The following NDUFAF2 variants were observed in gnomAD, a reference collection of about 807,000 sequenced individuals.
NDUFAF2 encodes the protein NADH dehydrogenase [ubiquinone] 1 alpha subcomplex assembly factor 2.
In NDUFAF2, 13 loss-of-function variants were observed where a neutral mutation model predicts 22.8. That is an observed-to-expected ratio of 0.57 (90% CI 0.37 to 0.91). The LOEUF (loss-of-function observed/expected upper bound fraction) is 0.91, where lower values mean the gene tolerates loss of function less well. NDUFAF2 is among the 40% of genes least tolerant of loss of function. The pLI, the probability that NDUFAF2 is intolerant of heterozygous loss-of-function variation, is 0.01. For synonymous variants in NDUFAF2, 53 were observed against 64.2 expected (o/e 0.83, Z 0.84); for missense variants, 162 against 195.2 (o/e 0.83, Z 1.01).
At chr5:61,004,722 A>G (rs987465928) in intron 1 of NDUFAF2, among the ~76,000 whole-genome samples, 3 of 151,990 alleles carry the variant, frequency 2.0e-5, no homozygotes, top group Admixed American at 1.3e-4. Context: ...TCATAGAGAG[A>G]GACATGGAAG....
chr5:61,071,169 T>TA (rs1752294332), intron 1 of NDUFAF2, among the ~76,000 whole-genome samples: 1 of 152,214 alleles, frequency 6.6e-6, no homozygotes, highest in South Asian at 2.1e-4. Context: ...GTCATTGTTA[T>TA]ATGCTCCTTG....
intron 1 of NDUFAF2, 131 bp downstream of exon 1, chr5:60,945,513 A>G: frequency 7.4e-7 from 1 of 1,356,228 alleles, no homozygotes; most frequent in East Asian, 2.4e-5. Context: ...GAATTTCCCG[A>G]GTTCGTTCTC....
chr5:61,117,581 G>A (rs938083987), intron 3 of NDUFAF2, among the ~76,000 whole-genome samples: 1 of 151,946 alleles, frequency 6.6e-6, no homozygotes, highest in Non-Finnish European at 1.5e-5. Context: ...ATCTGCAACT[G>A]TTAGACTCAA....
At chr5:61,125,071 A>G (rs1361665748) in intron 3 of NDUFAF2, among the ~76,000 whole-genome samples, 2 of 151,998 alleles carry the variant, frequency 1.3e-5, no homozygotes, top group Admixed American at 6.6e-5. Context: ...CCATGATCCA[A>G]TCACCTCCTA....
At chr5:61,138,587 G>C (rs184327235) in intron 3 of NDUFAF2, among the ~76,000 whole-genome samples, 1 of 152,260 alleles carries the variant, frequency 6.6e-6, no homozygotes, top group Admixed American at 6.5e-5. Context: ...CTTCCGGTTA[G>C]CTGGAAGGCT....
At chr5:61,098,606 C>T (rs550261688) in intron 2 of NDUFAF2, among the ~76,000 whole-genome samples, 3 of 152,172 alleles carry the variant, frequency 2.0e-5, no homozygotes, top group Non-Finnish European at 4.4e-5. Context: ...ATTCAAATTT[C>T]CAGAATAATA....
At chr5:61,151,799 A>C (rs1212230460) in intron 3 of NDUFAF2, among the ~76,000 whole-genome samples, 1 of 89,934 alleles carries the variant, frequency 1.1e-5, no homozygotes, top group Non-Finnish European at 2.5e-5. Flanking sequence ...CGTCTCAAAA[A>C]AACAAAAAAA....
intron 1 of NDUFAF2, among the ~76,000 whole-genome samples, chr5:60,952,381 A>C (rs1037636182): frequency 2.6e-5 from 4 of 151,818 alleles, no homozygotes; most frequent in Non-Finnish European, 4.4e-5. Context: ...ACATTTCACA[A>C]ATTTTTATCT....
At chr5:61,076,866 C>T (rs1317551295) in intron 2 of NDUFAF2, among the ~76,000 whole-genome samples, 2 of 152,098 alleles carry the variant, frequency 1.3e-5, no homozygotes, top group African/African-American at 4.8e-5. Flanking sequence ...AGTTGCATTC[C>T]GGATCTGTGG....
intron 1 of NDUFAF2, among the ~76,000 whole-genome samples, chr5:61,035,604 CCTT>C (rs1561547229): frequency 6.6e-6 from 1 of 151,958 alleles, no homozygotes; most frequent in Non-Finnish European, 1.5e-5. Context: ...TCTCTTCTCT[CCTT>C]CTCTTCCCCA....
chr5:61,108,731 A>G (rs1269012147), intron 3 of NDUFAF2, among the ~76,000 whole-genome samples: 3 of 151,982 alleles, frequency 2.0e-5, no homozygotes, highest in African/African-American at 7.3e-5. Flanking sequence ...TTTCCCTAAT[A>G]TATGTTCTTG....
chr5:61,084,660 C>G (rs1752484228), intron 2 of NDUFAF2, among the ~76,000 whole-genome samples: 1 of 152,158 alleles, frequency 6.6e-6, no homozygotes, highest in Admixed American at 6.5e-5. Context: ...GAATTTCATT[C>G]CTTTTTTGGG....
At chr5:61,108,987 C>T (rs941288958) in intron 3 of NDUFAF2, among the ~76,000 whole-genome samples, 3 of 151,968 alleles carry the variant, frequency 2.0e-5, no homozygotes, top group Non-Finnish European at 4.4e-5. Context: ...TTTTCTATTT[C>T]TGTGAATGTC....
At chr5:61,088,964 T>A (rs960121669) in intron 2 of NDUFAF2, among the ~76,000 whole-genome samples, 1 of 152,104 alleles carries the variant, frequency 6.6e-6, no homozygotes, top group Non-Finnish European at 1.5e-5. Context: ...ACCTACTGGA[T>A]CTGGTGATAG....
At chr5:61,048,724 T>C (rs1389035733) in intron 1 of NDUFAF2, among the ~76,000 whole-genome samples, 1 of 152,180 alleles carries the variant, frequency 6.6e-6, no homozygotes, top group Non-Finnish European at 1.5e-5. Flanking sequence ...GTGGTTTTTT[T>C]CTTCAAGACA....
intron 2 of NDUFAF2, among the ~76,000 whole-genome samples, chr5:61,077,915 A>G (rs932086775): frequency 2.6e-5 from 4 of 152,224 alleles, no homozygotes; most frequent in Non-Finnish European, 4.4e-5. Flanking sequence ...CTAAGTATCA[A>G]TAGCAACTAG....
intron 3 of NDUFAF2, among the ~76,000 whole-genome samples, chr5:61,111,386 G>A (rs1470921787): frequency 1.3e-5 from 2 of 152,092 alleles, no homozygotes; most frequent in African/African-American, 2.4e-5. Flanking sequence ...CTGTCTGGAT[G>A]TTCTTTCCAG....
chr5:60,972,223 G>A (rs1347713934), intron 1 of NDUFAF2, among the ~76,000 whole-genome samples: 2 of 151,328 alleles, frequency 1.3e-5, no homozygotes, highest in African/African-American at 4.9e-5. Context: ...TTACAGGCAT[G>A]AGCCACTGTG....
At chr5:61,091,718 C>G (rs1366466290) in intron 2 of NDUFAF2, among the ~76,000 whole-genome samples, 1 of 151,956 alleles carries the variant, frequency 6.6e-6, no homozygotes, top group Non-Finnish European at 1.5e-5. Flanking sequence ...GCAATTGCAA[C>G]AAAATTGCAA....
Sources: gnomAD v4.1 joint callset for allele counts (sites outside exome capture counted in the v4.1 genomes callset) on GRCh38, gnomAD v4.1.1 for gene constraint, MANE v1.5 for transcripts, NCBI Gene and HGNC (gene_info 2026-07-23, HGNC 2026-07-21) for gene names.